GPC5: variants seen among roughly 807,000 people sequenced by gnomAD.
GPC5 encodes the protein glypican-5.
In GPC5, 47 loss-of-function variants were observed where a neutral mutation model predicts 53.9. The observed-to-expected ratio is 0.87, with a 90% CI of 0.69 to 1.11. GPC5 has a LOEUF of 1.11. Among genes scored for constraint, GPC5 ranks in the 50% most tolerant of loss-of-function variants. GPC5 has a pLI of 0.00. For missense variants in GPC5, 748 were observed against 713.1 expected, an observed-to-expected ratio of 1.05 and a Z score of -0.56; for synonymous variants, 286 against 263.3, an observed-to-expected ratio of 1.09 and a Z score of -0.84.
At chr13:91,954,019 G>GA (rs567117711) in intron 6 of GPC5, among the ~76,000 whole-genome samples, 4 of 151,744 alleles carry the variant, frequency 2.6e-5, no homozygotes, top group South Asian at 2.1e-4. Context: ...AAATTTTTAG[G>GA]AAAAAAAACT....
intron 7 of GPC5, among the ~76,000 whole-genome samples, chr13:92,204,615 C>G (rs2042319628): frequency 6.6e-6 from 1 of 152,160 alleles, no homozygotes; most frequent in African/African-American, 2.4e-5. Context: ...TGATAATTCA[C>G]TAGAAAAACT....
chr13:91,547,333 A>C (rs987648410), intron 2 of GPC5, among the ~76,000 whole-genome samples: 2 of 152,054 alleles, frequency 1.3e-5, no homozygotes, highest in Non-Finnish European at 2.9e-5. Context: ...ATAATTGCAG[A>C]TTCCATGGAC....
At chr13:91,934,779 C>A (rs896615979) in intron 6 of GPC5, among the ~76,000 whole-genome samples, 5 of 151,916 alleles carry the variant, frequency 3.3e-5, no homozygotes, top group African/African-American at 9.7e-5. Flanking sequence ...AACGGGACCC[C>A]AGATGATATC....
chr13:91,480,950 C>A (rs911546293), intron 2 of GPC5, among the ~76,000 whole-genome samples: 4 of 129,074 alleles, frequency 3.1e-5, no homozygotes, highest in Non-Finnish European at 6.4e-5. Context: ...TGTGTTCTAT[C>A]TTGGAGGTTT....
intron 7 of GPC5, among the ~76,000 whole-genome samples, chr13:92,526,914 T>C (rs1475283416): frequency 6.6e-6 from 1 of 151,352 alleles, no homozygotes; most frequent in Non-Finnish European, 1.5e-5. Context: ...ACTGTGCTTG[T>C]GACGGAGATG....
At chr13:92,305,818 C>T (rs2043106831) in intron 7 of GPC5, among the ~76,000 whole-genome samples, 1 of 152,156 alleles carries the variant, frequency 6.6e-6, no homozygotes, top group Non-Finnish European at 1.5e-5. Context: ...TCTTCCCCTG[C>T]CATATACATA....
At chr13:92,807,674 T>A (rs1006848534) in intron 7 of GPC5, among the ~76,000 whole-genome samples, 1 of 152,082 alleles carries the variant, frequency 6.6e-6, no homozygotes, top group Non-Finnish European at 1.5e-5. Context: ...TGAACATTTT[T>A]GATCTTTAGG....
intron 2 of GPC5, among the ~76,000 whole-genome samples, chr13:91,554,354 C>T (rs1324070469): frequency 6.6e-6 from 1 of 151,658 alleles, no homozygotes; most frequent in East Asian, 1.9e-4. Context: ...TACACACAGG[C>T]ACATATATGT....
At chr13:92,424,258 T>TACAATAAAACA (rs1201898027) in intron 7 of GPC5, among the ~76,000 whole-genome samples, 2 of 152,038 alleles carry the variant, frequency 1.3e-5, no homozygotes, top group Non-Finnish European at 2.9e-5. Flanking sequence ...TAAAACCAAT[T>TACAATAAAACA]ATTTATTCTT....
intron 3 of GPC5, among the ~76,000 whole-genome samples, chr13:91,704,322 C>T (rs886849003): frequency 2.6e-5 from 4 of 152,176 alleles, no homozygotes; most frequent in Non-Finnish European, 4.4e-5. Flanking sequence ...CTTTTGGTTT[C>T]CATTTGCATG....
chr13:92,072,569 A>ATTTTTT (rs34169387), intron 6 of GPC5, among the ~76,000 whole-genome samples: 2 of 103,974 alleles, frequency 1.9e-5, no homozygotes, highest in African/African-American at 3.7e-5. Flanking sequence ...TGGCCACTAA[A>ATTTTTT]TTTTTTTTTT....
chr13:92,739,597 C>T (rs1375791025), intron 7 of GPC5, among the ~76,000 whole-genome samples: 1 of 151,820 alleles, frequency 6.6e-6, no homozygotes, highest in African/African-American at 2.4e-5. Flanking sequence ...TGATCTAAAG[C>T]CCATTTTCTC....
intron 6 of GPC5, among the ~76,000 whole-genome samples, chr13:92,108,818 C>CA (rs1241808810): frequency 1.1e-4 from 17 of 152,236 alleles, no homozygotes; most frequent in African/African-American, 4.1e-4. Flanking sequence ...TTGTCAGTAT[C>CA]ACCAGGCCAC....
intron 7 of GPC5, among the ~76,000 whole-genome samples, chr13:92,832,032 A>AT (rs1445557990): frequency 1.3e-5 from 2 of 152,164 alleles, no homozygotes; most frequent in African/African-American, 2.4e-5. Flanking sequence ...TATTCATTCT[A>AT]TTTTTTTCAA....
chr13:92,825,465 C>G (rs1877815391), intron 7 of GPC5, among the ~76,000 whole-genome samples: 1 of 152,096 alleles, frequency 6.6e-6, no homozygotes, highest in Admixed American at 6.6e-5. Flanking sequence ...ATTATGGTCA[C>G]TTTCATAAGT....
intron 4 of GPC5, among the ~76,000 whole-genome samples, chr13:91,738,061 AG>A (rs1312069904): frequency 6.6e-6 from 1 of 151,316 alleles, no homozygotes; most frequent in Non-Finnish European, 1.5e-5. Flanking sequence ...AACTATTGAG[AG>A]GGTGAGTGGA....
intron 7 of GPC5, among the ~76,000 whole-genome samples, chr13:92,320,396 AT>A (rs2043207929): frequency 6.6e-6 from 1 of 152,206 alleles, no homozygotes; most frequent in Non-Finnish European, 1.5e-5. Flanking sequence ...CCATTGAAGA[AT>A]AACATATTTC....
chr13:91,474,829 G>A (rs951909695), intron 2 of GPC5, among the ~76,000 whole-genome samples: 8 of 114,930 alleles, frequency 7.0e-5, no homozygotes, highest in African/African-American at 1.3e-4. Context: ...AAATATGATC[G>A]ACAAGGTATT....
rs113528242 is a variant in GPC5 at position 91,569,211 on chromosome 13, G to A, written c.325+120289G>A. On this transcript the variant is annotated intron_variant, in intron 2 of 7. Transcript: ENST00000377067. ...ATATAAAATTTTAGGATATGAAAGT[G>A]TCACTTGAAATTAGTGAGGAAAGAT... Among the ~76,000 whole-genome samples the A allele has an allele frequency of 7.1e-3, 1,088 of 152,248 alleles. 13 individuals carry two copies. Among genetic ancestry groups the A allele is most frequent in the African/African-American group, 0.024 (981 of 41,554 alleles).
Sources: gnomAD v4.1 joint callset for allele counts (sites outside exome capture counted in the v4.1 genomes callset) on GRCh38, gnomAD v4.1.1 for gene constraint, MANE v1.5 for transcripts, NCBI Gene and HGNC (gene_info 2026-07-23, HGNC 2026-07-21) for gene names.